SMAD3: variants seen among roughly 807,000 people sequenced by gnomAD.
The protein encoded by SMAD3 is SMAD family member 3, also known as MAD homolog 3.
A neutral mutation model predicts 51.8 loss-of-function variants in SMAD3; 12 were observed. The ratio of observed to expected loss-of-function variants is 0.23; its 90% CI spans 0.15 to 0.38. The LOEUF is 0.38. Ranked by LOEUF, SMAD3 falls within the 10% of genes least tolerant of loss-of-function variation. The pLI, the probability that SMAD3 is intolerant of heterozygous loss-of-function variation, is 1.00. For missense variants in SMAD3, 294 were observed against 565.6 expected, an observed-to-expected ratio of 0.52 and a Z score of 4.87; for synonymous variants, 238 against 227.7, an observed-to-expected ratio of 1.05 and a Z score of -0.41.
chr15:67,188,139 TTTC>T (rs140772960), intron 8 of SMAD3, among the ~76,000 whole-genome samples: 7,603 of 132,362 alleles, frequency 0.057, 276 homozygotes, highest in South Asian at 0.18. Context: ...CTGGTTTCTT[TTTC>T]TTTTTCTTTT....
chr15:67,144,789 G>A lies in SMAD3; in HGVS notation c.207-20106G>A, dbSNP rs1961931099. Among the ~76,000 whole-genome samples the A allele has an allele frequency of 1.3e-5, 2 of 152,202 alleles. 1 individual carries two copies. Among genetic ancestry groups the A allele is most frequent in the South Asian group, 4.1e-4 (2 of 4,828 alleles). ...GCTTGTGGCCTGATGCACGTTTCCA[G>A]TTTTGCACAATGTCACAGCAGATAT... is the stretch of plus-strand genomic sequence containing the variant. On this transcript the variant is annotated intron_variant, in intron 1 of 8. Coordinates refer to ENST00000327367, the MANE Select transcript of SMAD3 (RefSeq NM_005902.4).
chr15:67,098,818 G>A lies in SMAD3; in HGVS notation c.206+32458G>A, dbSNP rs1798718096. The A allele has an allele frequency of 2.3e-5, 16 of 695,546 alleles. No individual in the cohort carries two copies. The South Asian group carries it at 2.4e-4, about 10-fold the overall frequency. 43.1% of individuals were successfully genotyped at this position (695,546 alleles called of 1,614,324 possible). ...TCCTACGCATCCCCAGCGGGGGTCT[G>A]AGGGCCCACTGTTGCTCAGCTGGGG... is the stretch of plus-strand genomic sequence containing the variant. On this transcript the variant is annotated intron_variant, in intron 1 of 8. Coordinates refer to ENST00000327367, the MANE Select transcript of SMAD3 (RefSeq NM_005902.4).
chr15:67,194,700 G>C lies in SMAD3; in HGVS notation c.*4164G>C, dbSNP rs199952886. Reference sequence around the variant, plus strand: ...TTGGTGGAGGGTGTAGTGGCTTTTTGGCTCAGCATCCAGAAACACCAAACC... The same window carrying C: ...TTGGTGGAGGGTGTAGTGGCTTTTTCGCTCAGCATCCAGAAACACCAAACC... On this transcript the variant is annotated 3_prime_UTR_variant, in exon 9 of 9. Transcript: ENST00000327367. The C allele has an allele frequency of 2.6e-5, 6 of 232,042 alleles. No individual in the cohort carries two copies. Among genetic ancestry groups the C allele is most frequent in the African/African-American group, 1.3e-4 (6 of 45,240 alleles). 14.4% of individuals were successfully genotyped at this position (232,042 alleles called of 1,614,324 possible).
At chr15:67,156,741 T>G (rs191423031) in intron 1 of SMAD3, among the ~76,000 whole-genome samples, 1 of 151,808 alleles carries the variant, frequency 6.6e-6, no homozygotes, top group East Asian at 1.9e-4. Flanking sequence ...TTGCTACAGA[T>G]TTGGTTTAGG....
chr15:67,164,851 C>T, intron 1 of SMAD3, 44 bp from the exon 2 acceptor site: 1 of 1,596,944 alleles, frequency 6.3e-7, no homozygotes, highest in Non-Finnish European at 8.6e-7. Context: ...AAAGCAAGCA[C>T]AATCCACATT....
At chr15:67,148,482 G>C (rs1334998973) in intron 1 of SMAD3, among the ~76,000 whole-genome samples, 1 of 152,166 alleles carries the variant, frequency 6.6e-6, no homozygotes, top group Non-Finnish European at 1.5e-5. Context: ...TACAACCTTA[G>C]CCACAGATGA....
intron 1 of SMAD3, among the ~76,000 whole-genome samples, chr15:67,118,301 A>G (rs1961181258): frequency 6.6e-6 from 1 of 152,212 alleles, no homozygotes; most frequent in African/African-American, 2.4e-5. Context: ...TAGGTGGCAT[A>G]AGTAAAGATA....
intron 1 of SMAD3, among the ~76,000 whole-genome samples, chr15:67,074,172 A>C (rs771229318): frequency 4.6e-5 from 7 of 152,240 alleles, no homozygotes; most frequent in Admixed American, 1.3e-4. Flanking sequence ...TTACTCTGTG[A>C]GTCTAAATCA....
intron 4 of SMAD3, among the ~76,000 whole-genome samples, chr15:67,168,251 T>C (rs1486785308): frequency 6.6e-6 from 1 of 152,200 alleles, no homozygotes; most frequent in Non-Finnish European, 1.5e-5. Context: ...GCTGAGGTTG[T>C]GCAATTCCTG....
chr15:67,137,094 G>A (rs1432707778), intron 1 of SMAD3, among the ~76,000 whole-genome samples: 1 of 152,220 alleles, frequency 6.6e-6, no homozygotes, highest in Non-Finnish European at 1.5e-5. Context: ...AGGAGTCCTG[G>A]TTCCTTCAAG....
intron 1 of SMAD3, among the ~76,000 whole-genome samples, chr15:67,079,627 G>C (rs1220131814): frequency 6.6e-6 from 1 of 152,180 alleles, no homozygotes; most frequent in Non-Finnish European, 1.5e-5. Flanking sequence ...CATGCTGAGT[G>C]TATGCCAGAG....
intron 1 of SMAD3, among the ~76,000 whole-genome samples, chr15:67,119,953 C>T (rs115776312): frequency 0.011 from 1,685 of 152,284 alleles, 37 homozygotes; most frequent in African/African-American, 0.039. Flanking sequence ...CACGCTACCA[C>T]GCCTGGCTAT....
chr15:67,074,449 T>C (rs1960123702), intron 1 of SMAD3, among the ~76,000 whole-genome samples: 1 of 152,258 alleles, frequency 6.6e-6, no homozygotes. Flanking sequence ...TCCAAGCATC[T>C]ATATAAAGAA....
chr15:67,072,349 A>C (rs1033355561), intron 1 of SMAD3, among the ~76,000 whole-genome samples: 1 of 152,198 alleles, frequency 6.6e-6, no homozygotes, highest in Non-Finnish European at 1.5e-5. Context: ...GCTTGCTTCA[A>C]ATTGGAATCA....
At chr15:67,083,653 G>A (rs571701693) in intron 1 of SMAD3, among the ~76,000 whole-genome samples, 1 of 152,214 alleles carries the variant, frequency 6.6e-6, no homozygotes, top group Admixed American at 6.5e-5. Flanking sequence ...TTCAATGTGG[G>A]GATATCTTCC....
chr15:67,128,921 C>A (rs1961455071), intron 1 of SMAD3, among the ~76,000 whole-genome samples: 1 of 152,132 alleles, frequency 6.6e-6, no homozygotes, highest in Non-Finnish European at 1.5e-5. Context: ...GTCTTAAAGG[C>A]GATGTGCACC....
intron 1 of SMAD3, among the ~76,000 whole-genome samples, chr15:67,132,922 C>T (rs945994856): frequency 6.6e-6 from 1 of 152,156 alleles, no homozygotes; most frequent in Non-Finnish European, 1.5e-5. Flanking sequence ...TTAAAACAGC[C>T]CACCATGAAG....
chr15:67,165,243 C>T lies in SMAD3; in HGVS notation c.401-10C>T, dbSNP rs1243684484. The stretch of plus-strand genomic sequence containing the variant: ...CACTGAGCCACCTCTGCTCTGTCTC[C>T]CCCGGACAGTTCTACCTCCTGTGTT... On this transcript the variant is annotated splice_polypyrimidine_tract_variant and intron_variant, in intron 2 of 8. Coordinates refer to ENST00000327367, the MANE Select transcript of SMAD3 (RefSeq NM_005902.4). 1.9e-6 allele frequency: 3 copies of T among 1,614,206 alleles called. No individual in the cohort carries two copies. Among genetic ancestry groups the T allele is most frequent in the Middle Eastern group, 1.6e-4 (1 of 6,062 alleles).
At chr15:67,085,414 T>A (rs1439372724) in intron 1 of SMAD3, among the ~76,000 whole-genome samples, 2 of 152,202 alleles carry the variant, frequency 1.3e-5, no homozygotes, top group East Asian at 3.9e-4. Flanking sequence ...TTCTTCCACC[T>A]TAAAAACTCT....
Sources: allele counts gnomAD v4.1 joint callset (sites outside exome capture counted in the v4.1 genomes callset), GRCh38; gene constraint gnomAD v4.1.1; transcripts MANE v1.5; gene names NCBI Gene and HGNC (gene_info 2026-07-23, HGNC 2026-07-21).